Variants in RASAL2 observed in about 807,000 individuals in gnomAD.
RASAL2 encodes ras GTPase-activating protein nGAP.
A neutral mutation model predicts 128.9 loss-of-function variants in RASAL2; 58 were observed. The ratio of observed to expected loss-of-function variants is 0.45; its 90% CI spans 0.36 to 0.56. The LOEUF (loss-of-function observed/expected upper bound fraction) is 0.56. RASAL2 is among the 20% of genes least tolerant of loss of function. RASAL2 has a pLI of 0.00. For synonymous variants in RASAL2, 561 were observed against 580.8 expected, an observed-to-expected ratio of 0.97 and a Z score of 0.49; for missense variants, 1,360 against 1,601.6, an observed-to-expected ratio of 0.85 and a Z score of 2.57.
At chr1:178,313,154 A>G (rs1668341360) in intron 3 of RASAL2, among the ~76,000 whole-genome samples, 1 of 152,170 alleles carries the variant, frequency 6.6e-6, no homozygotes, top group Non-Finnish European at 1.5e-5. Flanking sequence ...CATAGTCATA[A>G]TATTGTTTGC....
At chr1:178,185,578 A>G (rs1662264552) in intron 1 of RASAL2, among the ~76,000 whole-genome samples, 1 of 151,426 alleles carries the variant, frequency 6.6e-6, no homozygotes, top group African/African-American at 2.4e-5. Flanking sequence ...ATGGGGAGTG[A>G]GGGGGTTAAA....
intron 3 of RASAL2, among the ~76,000 whole-genome samples, chr1:178,312,940 G>A (rs982299121): frequency 6.6e-6 from 1 of 152,138 alleles, no homozygotes; most frequent in Non-Finnish European, 1.5e-5. Context: ...AAACCCAAGA[G>A]GTAGATAATG....
In RASAL2 at chr1:178,167,758, A is replaced by G. The variant is rs994905012; in HGVS notation, c.202+73064A>G. Among the ~76,000 whole-genome samples the G allele has an allele frequency of 3.9e-5, 6 of 151,910 alleles. No individual in the cohort carries two copies. In the South Asian group the frequency reaches 6.2e-4, roughly 16 times the overall value. Reference sequence around the variant, plus strand: ...CTTTTTTTTTAAATTTCTATGCTACATGGTTTGCCTGCATGTTTTTTCAAA... The same window carrying G: ...CTTTTTTTTTAAATTTCTATGCTACGTGGTTTGCCTGCATGTTTTTTCAAA... On this transcript the variant is annotated intron_variant, in intron 1 of 17. Transcript: ENST00000367649.
At chr1:178,384,673 A>C (rs563967962) in intron 3 of RASAL2, among the ~76,000 whole-genome samples, 49 of 151,382 alleles carry the variant, frequency 3.2e-4, no homozygotes, top group African/African-American at 5.6e-4. Flanking sequence ...CAAAAAAAAA[A>C]AAACACACAC....
chr1:178,465,441 C>T (rs1397300268), intron 15 of RASAL2, among the ~76,000 whole-genome samples: 1 of 152,180 alleles, frequency 6.6e-6, no homozygotes, highest in African/African-American at 2.4e-5. Flanking sequence ...TAAGACACAT[C>T]AGAGATCCTA....
intron 8 of RASAL2, among the ~76,000 whole-genome samples, chr1:178,444,060 T>C (rs532753599): frequency 5.2e-4 from 79 of 152,288 alleles, no homozygotes; most frequent in African/African-American, 1.8e-3. Context: ...GATTATAACT[T>C]TTGTGTTTAA....
intron 2 of RASAL2, among the ~76,000 whole-genome samples, chr1:178,285,287 AT>A (rs1249655932): frequency 3.3e-5 from 5 of 149,408 alleles, no homozygotes; most frequent in Non-Finnish European, 7.4e-5. Flanking sequence ...CGCCCGGCTA[AT>A]TTTTTGTATT....
chr1:178,297,864 AAT>A, intron 2 of RASAL2, among the ~76,000 whole-genome samples: 1 of 152,274 alleles, frequency 6.6e-6, no homozygotes, highest in Admixed American at 6.5e-5. Flanking sequence ...GCAGAGACAA[AAT>A]ATGTCCTCAT....
At chr1:178,266,669 C>T (rs566235583) in intron 1 of RASAL2, among the ~76,000 whole-genome samples, 55 of 152,264 alleles carry the variant, frequency 3.6e-4, no homozygotes, top group African/African-American at 1.3e-3. Flanking sequence ...GCCTCCAAAG[C>T]TGAGAGGAGA....
intron 6 of RASAL2, 130 bp from the exon 7 acceptor site, chr1:178,441,415 TATCC>T: frequency 5.2e-5 from 31 of 592,400 alleles, no homozygotes; most frequent in Non-Finnish European, 6.0e-5. Context: ...TTTTCTTATC[TATCC>T]ATCCATCCAT....
intron 1 of RASAL2, among the ~76,000 whole-genome samples, chr1:178,276,861 C>CT (rs1293125427): frequency 6.6e-6 from 1 of 151,758 alleles, no homozygotes; most frequent in African/African-American, 2.4e-5. Flanking sequence ...TAAAAAATAG[C>CT]TTGTTGGCCG....
intron 5 of RASAL2, among the ~76,000 whole-genome samples, chr1:178,425,941 G>A (rs1180908451): frequency 6.6e-6 from 1 of 152,124 alleles, no homozygotes; most frequent in Non-Finnish European, 1.5e-5. Flanking sequence ...ACAGCTAGCA[G>A]TCTCTGCATA....
chr1:178,163,142 AT>A (rs1443085718), intron 1 of RASAL2, among the ~76,000 whole-genome samples: 1 of 150,304 alleles, frequency 6.7e-6, no homozygotes, highest in Non-Finnish European at 1.5e-5. Context: ...TAATTTTTAT[AT>A]TTTTAGTAGA....
intron 1 of RASAL2, among the ~76,000 whole-genome samples, chr1:178,281,208 C>T (rs1666767291): frequency 1.3e-5 from 2 of 151,686 alleles, no homozygotes; most frequent in South Asian, 4.2e-4. Context: ...TATAGGATGG[C>T]TAATAAATCC....
chr1:178,128,469 G>C (rs1302810757), intron 1 of RASAL2, among the ~76,000 whole-genome samples: 1 of 152,020 alleles, frequency 6.6e-6, no homozygotes, highest in Non-Finnish European at 1.5e-5. Context: ...ATAGAGAGAA[G>C]GAAATGATTT....
chr1:178,233,384 A>G (rs1439008176), intron 1 of RASAL2, among the ~76,000 whole-genome samples: 1 of 152,230 alleles, frequency 6.6e-6, no homozygotes, highest in Non-Finnish European at 1.5e-5. Flanking sequence ...AGATAGGAAC[A>G]AGTTTAAAGA....
intron 13 of RASAL2, 104 bp from the exon 14 acceptor site, chr1:178,457,579 A>G: frequency 2.6e-6 from 3 of 1,157,406 alleles, no homozygotes; most frequent in Non-Finnish European, 3.7e-6. Context: ...AAATGTACGT[A>G]TCCACATAAG....
intron 9 of RASAL2, among the ~76,000 whole-genome samples, chr1:178,450,653 A>G (rs984090604): frequency 6.6e-6 from 1 of 152,288 alleles, no homozygotes; most frequent in African/African-American, 2.4e-5. Flanking sequence ...CTCAAGTAAT[A>G]AACACATATT....
intron 1 of RASAL2, among the ~76,000 whole-genome samples, chr1:178,096,258 A>G (rs1658677787): frequency 6.6e-6 from 1 of 152,084 alleles, no homozygotes; most frequent in Admixed American, 6.6e-5. Context: ...CATACTGTTT[A>G]TTTGTGTGAT....
Sources: allele counts gnomAD v4.1 joint callset (sites outside exome capture counted in the v4.1 genomes callset), GRCh38; gene constraint gnomAD v4.1.1; transcripts MANE v1.5; gene names NCBI Gene and HGNC (gene_info 2026-07-23, HGNC 2026-07-21).